Variants in PCDH10 observed in about 807,000 individuals in gnomAD.
PCDH10 encodes the protein protocadherin 10.
PCDH10 carries 15 observed loss-of-function variants against 74.4 expected under a neutral mutation model. The observed-to-expected ratio is 0.20, with a 90% CI of 0.13 to 0.31. The LOEUF (loss-of-function observed/expected upper bound fraction) is 0.31, where lower values mean the gene tolerates loss of function less well. Among genes scored for constraint, PCDH10 ranks in the 10% least tolerant of loss-of-function variants. The probability of loss-of-function intolerance (pLI) is 1.00; values close to 1 mark genes in which losing one functional copy is unlikely to be tolerated. For synonymous variants in PCDH10, 619 were observed against 589.8 expected, an observed-to-expected ratio of 1.05 and a Z score of -0.72; for missense variants, 1,260 against 1,390.2, an observed-to-expected ratio of 0.91 and a Z score of 1.49.
intron 4 of PCDH10, among the ~76,000 whole-genome samples, chr4:133,165,089 C>CAT (rs1387709764): frequency 1.8e-3 from 260 of 147,138 alleles, no homozygotes; most frequent in African/African-American, 6.0e-3. Flanking sequence ...TACATATATT[C>CAT]ATATATATAT....
intron 4 of PCDH10, among the ~76,000 whole-genome samples, chr4:133,178,217 T>TG (rs1199438578): frequency 1.4e-5 from 2 of 147,998 alleles, no homozygotes; most frequent in African/African-American, 5.2e-5. Flanking sequence ...CCAGTGTGTG[T>TG]TTTTTTTTGT....
At position 133,178,486 on chromosome 4, in the gene PCDH10, T is replaced by A. The variant is rs559336584; in HGVS notation, c.3104-11655T>A. Among the ~76,000 whole-genome samples the A allele has an allele frequency of 1.5e-4, 23 of 152,166 alleles. No homozygotes were observed. In the South Asian group the frequency reaches 4.3e-3, roughly 29 times the overall value. ...CTCGACCTCAGGTGATTGGTCTGCC[T>A]TGGCCTCCCAAAGTGCTGGGATTAC... is the stretch of plus-strand genomic sequence containing the variant. On this transcript the variant is annotated intron_variant, in intron 4 of 4. Transcript: ENST00000264360.
rs1727636583 is a variant in PCDH10, at chr4:133,190,422, ACTAT to A, written c.*269_*272del. 4.2e-6 allele frequency: 2 copies of A among 477,410 alleles called. No individual in the cohort carries two copies. The highest frequency in any genetic ancestry group is 7.6e-6 in the Non-Finnish European group (2 of 264,652). 29.6% of individuals were successfully genotyped at this position (477,410 alleles called of 1,614,324 possible). A position where few individuals can be genotyped will look rare whatever the true frequency, so the allele number is the denominator to read the frequency against. ...CGATCAGTGTGTGCCTGTTTACAGC[ACTAT>A]CTATCTTTCTCTCTCCAAATGTCAC... On this transcript the variant is annotated 3_prime_UTR_variant, in exon 5 of 5. Coordinates refer to ENST00000264360, the MANE Select transcript of PCDH10 (RefSeq NM_032961.3).
chr4:133,150,804 G>T lies in PCDH10; in HGVS notation c.664G>T (p.Ala222Ser). ...VGEGGGGGGG[A>S]GLPPQQQRTG... The stretch of plus-strand genomic sequence containing the variant: ...AGAAGGAGGGGGAGGTGGCGGGGGA[G>T]CAGGCCTGCCCCCCCAGCAGCAGCG... The change falls in exon 1 of 5, where the codon GCA becomes TCA. Residue 222 changes from alanine to serine, a missense_variant. Physicochemically the swap from Ala to Ser is moderately conservative, Grantham distance 99. Transcript: ENST00000264360. The T allele has an allele frequency of 6.3e-7, 1 of 1,583,206 alleles. No homozygotes were observed. Among genetic ancestry groups the T allele is most frequent in the South Asian group, 1.2e-5 (1 of 86,706 alleles).
chr4:133,155,227 A>C (rs938783696), intron 3 of PCDH10, among the ~76,000 whole-genome samples: 2 of 152,356 alleles, frequency 1.3e-5, no homozygotes, highest in East Asian at 1.9e-4. Flanking sequence ...AGTTAATGTT[A>C]GGAATTCATT....
rs1164344663 is a variant in PCDH10 at position 133,152,117 on chromosome 4, G to A, written c.1977G>A (p.Glu659=). ...AGCGGCCTTATGAGCTGGTGATCGA[G>A]GTGCGCGACCATGGGCAGCCGCCCC... ...DPQRPYELVI[E]VRDHGQPPLS... is the part of the protein sequence containing the mutation. Residue 659 remains glutamate (E), a synonymous_variant, in exon 1 of 5, where the codon GAG becomes GAA. Coordinates refer to ENST00000264360, the MANE Select transcript of PCDH10 (RefSeq NM_032961.3). The A allele has an allele frequency of 1.9e-6, 3 of 1,574,118 alleles. No individual in the cohort carries two copies. Among genetic ancestry groups the A allele is most frequent in the Non-Finnish European group, 2.6e-6 (3 of 1,160,708 alleles).
chr4:133,185,748 G>A (rs1578575271), intron 4 of PCDH10, among the ~76,000 whole-genome samples: 2 of 152,086 alleles, frequency 1.3e-5, no homozygotes, highest in African/African-American at 2.4e-5. Context: ...TTCGAAGGGT[G>A]TCCTTTCTTT....
At chr4:133,158,052 A>C (rs746502522) in intron 3 of PCDH10, among the ~76,000 whole-genome samples, 1 of 152,036 alleles carries the variant, frequency 6.6e-6, no homozygotes, top group Non-Finnish European at 1.5e-5. Context: ...CTATTGATGT[A>C]TTGGTTAGAT....
chr4:133,202,545 T>C lies in PCDH10; in HGVS notation n.438-5531T>C, dbSNP rs571872595. Among the ~76,000 whole-genome samples, 135 of 152,206 alleles carry C rather than the reference T, an allele frequency of 8.9e-4. 1 individual carries two copies. Among genetic ancestry groups the C allele is most frequent in the African/African-American group, 3.2e-3 (134 of 41,534 alleles). ...TGTGGCCCTAGTACATATAGTGATA[T>C]CTGTTGCCTTGATTTTTATATTGTG... On this transcript the variant is annotated intron_variant and non_coding_transcript_variant, in intron 2 of 2. Transcript: ENST00000511112.
chr4:133,170,306 G>A (rs1197561625), intron 4 of PCDH10, among the ~76,000 whole-genome samples: 4 of 152,012 alleles, frequency 2.6e-5, no homozygotes, highest in African/African-American at 9.7e-5. Context: ...TCTTTTGACT[G>A]TATGAAGAGA....
At chr4:133,203,040 T>G (rs1387287207) in intron 2 of PCDH10, among the ~76,000 whole-genome samples, 1 of 152,070 alleles carries the variant, frequency 6.6e-6, no homozygotes, top group Non-Finnish European at 1.5e-5. Context: ...GAATGCTGAT[T>G]TCATGACCCA....
At chr4:133,195,493 T>G (rs1212735078), downstream of PCDH10, among the ~76,000 whole-genome samples, 1 of 152,086 alleles carries the variant, frequency 6.6e-6, no homozygotes, top group African/African-American at 2.4e-5. Context: ...TTATTTTCAC[T>G]CTTTCTGGGA....
At chr4:133,169,490 T>A (rs1560710012) in intron 4 of PCDH10, among the ~76,000 whole-genome samples, 1 of 151,856 alleles carries the variant, frequency 6.6e-6, no homozygotes, top group Non-Finnish European at 1.5e-5. Flanking sequence ...AATTAACATT[T>A]AGCGTATTAA....
chr4:133,188,416 G>C, intron 4 of PCDH10, among the ~76,000 whole-genome samples: 1 of 152,028 alleles, frequency 6.6e-6, no homozygotes, highest in Non-Finnish European at 1.5e-5. Context: ...TGAACTCAAG[G>C]ACACAGAAAA....
intron 4 of PCDH10, among the ~76,000 whole-genome samples, chr4:133,171,031 A>C (rs1423794508): frequency 1.1e-5 from 1 of 94,576 alleles, no homozygotes; most frequent in South Asian, 2.9e-4. Context: ...TAAGTATAGC[A>C]AAAAAAAAAA....
chr4:133,157,197 G>C (rs192519760), intron 3 of PCDH10, among the ~76,000 whole-genome samples: 1 of 152,210 alleles, frequency 6.6e-6, no homozygotes, highest in Non-Finnish European at 1.5e-5. Flanking sequence ...CTTATGTTAA[G>C]AAGTGATTGC....
chr4:133,200,646 A>G lies in PCDH10; in HGVS notation n.438-7430A>G, dbSNP rs556727779. On this transcript the variant is annotated intron_variant and non_coding_transcript_variant, in intron 2 of 2. Transcript: ENST00000511112. ...CCACAGGATAATAGAATGTTAATGC[A>G]GAACAGGGCCTTAAAAATATTTTGG... Among the ~76,000 whole-genome samples the G allele has an allele frequency of 6.4e-4, 98 of 152,316 alleles. 1 individual carries two copies. Among genetic ancestry groups the G allele is most frequent in the African/African-American group, 2.1e-3 (87 of 41,578 alleles).
chr4:133,206,753 C>A (rs1414118401), intron 2 of PCDH10, among the ~76,000 whole-genome samples: 1 of 152,034 alleles, frequency 6.6e-6, no homozygotes, highest in African/African-American at 2.4e-5. Context: ...ATTGACCTCT[C>A]CCCTCTCTGT....
intron 4 of PCDH10, among the ~76,000 whole-genome samples, chr4:133,186,890 G>A (rs189823472): frequency 2.3e-4 from 35 of 152,112 alleles, no homozygotes; most frequent in African/African-American, 7.7e-4. Flanking sequence ...GCTAACTTTT[G>A]TATTTCTAGT....
Sources: gnomAD v4.1 joint callset for allele counts (sites outside exome capture counted in the v4.1 genomes callset) on GRCh38, gnomAD v4.1.1 for gene constraint, MANE v1.5 for transcripts, NCBI Gene and HGNC (gene_info 2026-07-23, HGNC 2026-07-21) for gene names.